Variants in RIMBP2 observed in about 807,000 individuals in gnomAD.
RIMBP2 encodes the protein RIMS-binding protein 2.
Under a neutral mutation model 118.6 loss-of-function variants are expected in RIMBP2, and 48 were observed. The ratio of observed to expected loss-of-function variants is 0.40; its 90% CI spans 0.32 to 0.51. RIMBP2 has a LOEUF of 0.51. RIMBP2 is among the 20% of genes least tolerant of loss of function. RIMBP2 has a pLI of 0.41. For missense variants in RIMBP2, 1,551 were observed against 1,768.3 expected (o/e 0.88, Z 2.20); for synonymous variants, 762 against 742.9 (o/e 1.03, Z -0.42).
intron 7 of RIMBP2, among the ~76,000 whole-genome samples, chr12:130,453,639 A>C (rs2079176782): frequency 6.6e-6 from 1 of 152,204 alleles, no homozygotes; most frequent in Admixed American, 6.5e-5. Context: ...AACAAGGCCA[A>C]CTCGCAGAAG....
chr12:130,657,776 T>C (rs2063491282), intron 1 of RIMBP2: 1 of 151,452 alleles, frequency 6.6e-6, no homozygotes, highest in Admixed American at 6.6e-5. Context: ...CCCAGCGCAC[T>C]GGGCCCCAGG....
rs1455080257 is a variant in RIMBP2, at chr12:130,615,276, C to CATACATATATATATATATATATATAT, written c.-217+13045_-217+13046insATATATATATATATATATATATGTAT. 8.8e-4 allele frequency among the ~76,000 whole-genome samples: 88 copies of CATACATATATATATATATATATATAT among 100,170 alleles called. 1 individual carries two copies. The highest frequency in any genetic ancestry group is 2.8e-3 in the African/African-American group (71 of 25,328). The allele number at this position is 100,170 out of a possible 152,430, so 65.7% of individuals were successfully genotyped here. On this transcript the variant is annotated intron_variant, in intron 2 of 22. Transcript: ENST00000690449. ...TATGTATATATACATAATACACATA[C>CATACATATATATATATATATATATAT]ATATATATATATATATATATGTGTA...
intron 1 of RIMBP2, among the ~76,000 whole-genome samples, chr12:130,631,462 G>A (rs989839980): frequency 6.6e-6 from 1 of 152,116 alleles, no homozygotes; most frequent in African/African-American, 2.4e-5. Context: ...TCTTCCTTGT[G>A]CAGGCTGTCC....
At chr12:130,652,399 A>G (rs1170312428) in intron 1 of RIMBP2, among the ~76,000 whole-genome samples, 5 of 152,152 alleles carry the variant, frequency 3.3e-5, no homozygotes, top group African/African-American at 1.2e-4. Flanking sequence ...AAGTTTGCCA[A>G]CCCTTAGAAT....
chr12:130,671,099 G>A (rs1331754903), intron 1 of RIMBP2, among the ~76,000 whole-genome samples: 3 of 152,324 alleles, frequency 2.0e-5, no homozygotes, highest in East Asian at 3.9e-4. Context: ...AAAAGTAGAA[G>A]GGGCTAGATG....
At chr12:130,437,755 G>T (rs1368998213) in intron 12 of RIMBP2, among the ~76,000 whole-genome samples, 1 of 152,200 alleles carries the variant, frequency 6.6e-6, no homozygotes, top group African/African-American at 2.4e-5. Context: ...GAGCACAGGA[G>T]TCTGCAGGAA....
chr12:130,639,834 G>A (rs181373649), intron 1 of RIMBP2, among the ~76,000 whole-genome samples: 25 of 152,232 alleles, frequency 1.6e-4, no homozygotes, highest in Middle Eastern at 3.4e-3. Flanking sequence ...ATTGAAAGCC[G>A]AGATGAAAAC....
chr12:130,397,643 A>G, intron 22 of RIMBP2, 94 bp from the exon 23 acceptor site: 1 of 396,602 alleles, frequency 2.5e-6, no homozygotes, highest in Non-Finnish European at 4.4e-6. Context: ...CCCACCAGGA[A>G]AGGTCAGGGG....
intron 1 of RIMBP2, among the ~76,000 whole-genome samples, chr12:130,664,415 A>ACGCACGCACACACGCACACACACGCACC (rs1195044326): frequency 5.9e-4 from 77 of 130,572 alleles, no homozygotes; most frequent in Non-Finnish European, 1.3e-4. Context: ...ACGCACGCAC[A>ACGCACGCACACACGCACACACACGCACC]CACACGCACA....
intron 20 of RIMBP2, 70 bp from the exon 21 acceptor site, chr12:130,406,313 C>G: frequency 2.0e-6 from 2 of 1,008,736 alleles, no homozygotes; most frequent in South Asian, 2.9e-5. Flanking sequence ...AAAATAAGTT[C>G]TCTATGCTTT....
At chr12:130,461,420 G>A (rs755793449) in intron 6 of RIMBP2, among the ~76,000 whole-genome samples, 30 of 152,166 alleles carry the variant, frequency 2.0e-4, no homozygotes, top group Non-Finnish European at 3.1e-4. Flanking sequence ...CAAAGGGGCC[G>A]GTGCCTCGGC....
At chr12:130,708,290 T>C (rs1394030446) in intron 1 of RIMBP2, among the ~76,000 whole-genome samples, 1 of 152,212 alleles carries the variant, frequency 6.6e-6, no homozygotes, top group East Asian at 1.9e-4. Flanking sequence ...GAAAATGTTC[T>C]AACATTGATG....
chr12:130,605,614 A>G (rs1187793867), intron 2 of RIMBP2, among the ~76,000 whole-genome samples: 1 of 152,216 alleles, frequency 6.6e-6, no homozygotes, highest in Non-Finnish European at 1.5e-5. Context: ...GACAATATCT[A>G]CAACTTTGAA....
At chr12:130,441,348 C>T (rs146666549) in intron 11 of RIMBP2, among the ~76,000 whole-genome samples, 2,588 of 151,150 alleles carry the variant, frequency 0.017, 72 homozygotes, top group African/African-American at 0.06. Flanking sequence ...TTGCAGTGAG[C>T]TGAGATTGCA....
intron 6 of RIMBP2, among the ~76,000 whole-genome samples, chr12:130,458,310 A>G (rs1225010082): frequency 6.6e-6 from 1 of 152,272 alleles, no homozygotes; most frequent in East Asian, 1.9e-4. Flanking sequence ...GGCTGTGTCT[A>G]CCAAGATAGG....
In RIMBP2 at chr12:130,436,895, C is replaced by T. The variant is rs751917288; in HGVS notation, c.2053G>A (p.Val685Ile). The T allele has an allele frequency of 1.1e-5, 17 of 1,589,388 alleles. No individual in the cohort carries two copies. Among genetic ancestry groups the T allele is most frequent in the Admixed American group, 5.2e-5 (3 of 57,610 alleles). ...QPQGTPVSTT[V>I]AKAMAREAAQ... ...GCCTCCCGGGCCATGGCCTTGGCGA[C>T]GGTGGTGGACACCGGGGTGCCCTGT... is the stretch of plus-strand genomic sequence containing the variant. Residue 685 changes from valine (V) to isoleucine (I), a missense_variant, in exon 13 of 23, where the codon GTC becomes ATC. Val to Ile is a conservative substitution (Grantham distance 29). This residue lies in a region of RIMBP2 where 1,038 missense variants were observed against 1,125.1 expected (regional missense o/e 0.92). Coordinates refer to ENST00000690449, the MANE Select transcript of RIMBP2 (RefSeq NM_001393629.1).
At chr12:130,520,459 G>A (rs2051965092) in intron 2 of RIMBP2, among the ~76,000 whole-genome samples, 1 of 151,960 alleles carries the variant, frequency 6.6e-6, no homozygotes, top group Admixed American at 6.6e-5. Flanking sequence ...GAGGTCAGGA[G>A]TTCAAGACCA....
chr12:130,479,958 T>C (rs1333531848), intron 4 of RIMBP2, among the ~76,000 whole-genome samples: 1 of 151,638 alleles, frequency 6.6e-6, no homozygotes. Flanking sequence ...ACTGGGACCC[T>C]GACAGTGAGG....
rs2061360149 is a variant in RIMBP2, at chr12:130,622,210, AG to A, written c.-217+6111del. 6.6e-6 allele frequency among the ~76,000 whole-genome samples: 1 copy of A among 152,188 alleles called. No homozygotes were observed. Among genetic ancestry groups the A allele is most frequent in the Non-Finnish European group, 1.5e-5 (1 of 68,044 alleles). On this transcript the variant is annotated intron_variant, in intron 2 of 22. Coordinates refer to ENST00000690449, the MANE Select transcript of RIMBP2 (RefSeq NM_001393629.1). The surrounding 1 kb of genome is among the most constrained non-coding windows in gnomAD (Gnocchi z 8.5). ...TCAGGTTGGATCCTGGGTAACAGGC[AG>A]GGCCTGTGGCTGACTGGAGCAGACG...
Sources: allele counts gnomAD v4.1 joint callset (sites outside exome capture counted in the v4.1 genomes callset), GRCh38; gene constraint gnomAD v4.1.1; regional missense constraint gnomAD v4.1.1; non-coding constraint Gnocchi (gnomAD v3.1); transcripts MANE v1.5; gene names NCBI Gene and HGNC (gene_info 2026-07-23, HGNC 2026-07-21).